The following PEG3 variants were observed in gnomAD, a reference collection of about 807,000 sequenced individuals.
The protein encoded by PEG3 is paternally expressed 3, also known as paternally-expressed gene 3 protein.
A neutral mutation model predicts 35.5 loss-of-function variants in PEG3; 23 were observed. The ratio of observed to expected loss-of-function variants is 0.65; its 90% CI spans 0.47 to 0.92. PEG3 has a LOEUF of 0.92. PEG3 is among the 40% of genes least tolerant of loss of function. PEG3 has a pLI of 0.00. For synonymous variants in PEG3, 707 were observed against 697.0 expected, an observed-to-expected ratio of 1.01 and a Z score of -0.23; for missense variants, 1,960 against 1,985.3, an observed-to-expected ratio of 0.99 and a Z score of 0.24.
In PEG3 at chr19:56,813,997, G is replaced by C; in HGVS notation, c.4445C>G (p.Pro1482Arg). ...TGGGTCTTCAATTCCCACACCGTCA[G>C]GCTCGTCGGCATCTCCCTCTGGCTC... ...AEEPEGDADE[P>R]DGVGIEDPEE... Residue 1482 changes from proline (P) to arginine (R), a missense_variant, in exon 10 of 10, where the codon CCT becomes CGT. This residue lies in a region of PEG3 where 416 missense variants were observed against 416.7 expected (regional missense o/e 1.00). Coordinates refer to ENST00000326441, the MANE Select transcript of PEG3 (RefSeq NM_006210.3). 1 of 1,613,982 alleles carries C rather than the reference G, an allele frequency of 6.2e-7. No homozygotes were observed. The highest frequency in any genetic ancestry group is 8.5e-7 in the Non-Finnish European group (1 of 1,179,916).
Position 56,816,605 on chromosome 19 carries a change from C to A in PEG3, c.1837G>T (p.Ala613Ser). 6.2e-7 allele frequency: 1 copy of A among 1,613,910 alleles called. No individual in the cohort carries two copies. Among genetic ancestry groups the A allele is most frequent in the South Asian group, 1.1e-5 (1 of 91,040 alleles). The stretch of plus-strand genomic sequence containing the variant: ...TACATTTTCTGAAACTCATTAAGGG[C>A]TGGGCTGGGCCTAAAGGTTTCCCCG... Reference protein sequence around the residue: ...ERGETFRPSPALNEFQKMYGK... With the variant: ...ERGETFRPSPSLNEFQKMYGK... Residue 613 changes from alanine to serine, a missense_variant, in exon 10 of 10, where the codon GCC (alanine) becomes TCC (serine). This residue lies in a region of PEG3 where 798 missense variants were observed against 782.4 expected (regional missense o/e 1.02). Coordinates refer to ENST00000326441, the MANE Select transcript of PEG3 (RefSeq NM_006210.3).
chr19:56,823,848 T>C (rs1005091719), intron 4 of PEG3, among the ~76,000 whole-genome samples, 169 bp from the exon 5 acceptor site: 1 of 152,068 alleles, frequency 6.6e-6, no homozygotes, highest in Non-Finnish European at 1.5e-5. Context: ...ACTCCTGGCA[T>C]ACTAAAAACT....
chr19:56,812,961 C>T lies in PEG3; in HGVS notation c.*714G>A, dbSNP rs2059640270. On this transcript the variant is annotated 3_prime_UTR_variant, in exon 10 of 10. Coordinates refer to ENST00000326441, the MANE Select transcript of PEG3 (RefSeq NM_006210.3). ...TAAAGCCTTACACAGTATTAGGTTCCAAAGTGTTGGCGCAGATGAAATGGC... is the reference window on the plus strand; with the variant it reads ...TAAAGCCTTACACAGTATTAGGTTCTAAAGTGTTGGCGCAGATGAAATGGC... The T allele has an allele frequency of 9.1e-6, 9 of 985,618 alleles. No individual in the cohort carries two copies. Among genetic ancestry groups the T allele is most frequent in the Admixed American group, 6.2e-5 (1 of 16,258 alleles). 61.1% of individuals were successfully genotyped at this position (985,618 alleles called of 1,614,324 possible).
Position 56,816,447 on chromosome 19 carries a change from G to T in PEG3, c.1995C>A (p.Thr665=), listed in dbSNP as rs772262119. 1.9e-6 allele frequency: 3 copies of T among 1,614,010 alleles called. No homozygotes were observed. Among genetic ancestry groups the T allele is most frequent in the East Asian group, 2.2e-5 (1 of 44,870 alleles). Residue 665 remains threonine, a synonymous_variant, in exon 10 of 10, where the codon ACC becomes ACA. Coordinates refer to ENST00000326441, the MANE Select transcript of PEG3 (RefSeq NM_006210.3). ...FENKGKVCEE[T]FIPGQSLKRR... ...TTTTAAGGGACTGACCAGGAATAAA[G>T]GTTTCCTCACACACTTTACCCTTGT...
At position 56,814,380 on chromosome 19, in the gene PEG3, A is replaced by G; in HGVS notation, c.4062T>C (p.His1354=). The part of the protein sequence containing the change: ...STVLTKHKEL[H]LEEEEEDEAA... ...CTTCATCTTCTTCTTCTTCTTCCAG[A>G]TGAAGCTCCTTATGTTTAGTGAGGA... Residue 1354 remains histidine, a synonymous_variant, in exon 10 of 10, where the codon CAT becomes CAC. Transcript: ENST00000326441. The surrounding 1 kb of genome is among the most constrained non-coding windows in gnomAD (Gnocchi z 5.8). The G allele has an allele frequency of 6.2e-7, 1 of 1,612,648 alleles. No individual in the cohort carries two copies.
At chr19:56,821,100 G>C (rs1320606443) in intron 7 of PEG3, among the ~76,000 whole-genome samples, 1 of 152,210 alleles carries the variant, frequency 6.6e-6, no homozygotes, top group Non-Finnish European at 1.5e-5. Flanking sequence ...TGCCTACCAT[G>C]TGCCAGGTAC....
At position 56,824,709 on chromosome 19, in the gene PEG3, C is replaced by T. The variant is rs143644993; in HGVS notation, c.-54G>A. 1,885 of 1,515,756 alleles carry T rather than the reference C, an allele frequency of 1.2e-3. 21 individuals carry two copies. The African/African-American group carries it at 0.023, about 19-fold the overall frequency. The allele number at this position is 1,515,756 out of a possible 1,614,324, so 93.9% of individuals were successfully genotyped here. ...ACCAAACATGAGTCAACAGGAAAGACGCGGCAGCCTGTGACCGTCAGTACT... is the reference window on the plus strand; with the variant it reads ...ACCAAACATGAGTCAACAGGAAAGATGCGGCAGCCTGTGACCGTCAGTACT... On this transcript the variant is annotated 5_prime_UTR_variant, in exon 4 of 10. Transcript: ENST00000326441.
chr19:56,834,038 CA>C (rs1302788737), intron 2 of PEG3, among the ~76,000 whole-genome samples: 2 of 152,206 alleles, frequency 1.3e-5, no homozygotes, highest in African/African-American at 4.8e-5. Context: ...TCTAAGAGTT[CA>C]GTCTTATGAC....
At chr19:56,822,512 T>C (rs2060598091) in intron 6 of PEG3, 1 of 416,504 alleles carries the variant, frequency 2.4e-6, no homozygotes, top group African/African-American at 2.0e-5. Context: ...TTTTTTTTAA[T>C]GCACCAGCTT....
chr19:56,838,680 G>A (rs974198203), intron 1 of PEG3, among the ~76,000 whole-genome samples: 25 of 152,306 alleles, frequency 1.6e-4, no homozygotes, highest in East Asian at 3.9e-4. Flanking sequence ...ATGGCTCCGC[G>A]GCCGCTAAGG....
rs982338782 is a variant in PEG3, at chr19:56,811,963, A to G, written c.*1712T>C. ...TTCTGCTTCTTGCTCTCAGCTCTACAATCTTCCTAAACTTTGACACTCCCT... is the reference window on the plus strand; with the variant it reads ...TTCTGCTTCTTGCTCTCAGCTCTACGATCTTCCTAAACTTTGACACTCCCT... On this transcript the variant is annotated 3_prime_UTR_variant, in exon 10 of 10. Transcript: ENST00000326441. 31 of 985,170 alleles carry G rather than the reference A, an allele frequency of 3.1e-5. No homozygotes were observed. Among genetic ancestry groups the G allele is most frequent in the Non-Finnish European group, 3.7e-5 (31 of 829,916 alleles). 61.0% of individuals were successfully genotyped at this position (985,170 alleles called of 1,614,324 possible).
rs765630906 is a variant in PEG3, at chr19:56,816,203, C to T, written c.2239G>A (p.Glu747Lys). ...ITRPLESDED[E>K]KAFTISSNPY... is the part of the protein sequence containing the mutation. ...TTAGAGCTAATGGTGAACGCCTTTT[C>T]GTCCTCATCACTTTCAAGAGGTCTT... is the stretch of plus-strand genomic sequence containing the variant. Residue 747 changes from glutamate to lysine, a missense_variant, in exon 10 of 10, where the codon GAA becomes AAA. This residue lies in a region of PEG3 where 798 missense variants were observed against 782.4 expected (regional missense o/e 1.02). Coordinates refer to ENST00000326441, the MANE Select transcript of PEG3 (RefSeq NM_006210.3). 81 of 1,614,036 alleles carry T rather than the reference C, an allele frequency of 5.0e-5. No homozygotes were observed. The highest frequency in any genetic ancestry group is 1.3e-4 in the African/African-American group (10 of 74,914).
intron 2 of PEG3, among the ~76,000 whole-genome samples, chr19:56,830,683 C>T (rs2061490774): frequency 6.6e-6 from 1 of 151,982 alleles, no homozygotes; most frequent in Admixed American, 6.6e-5. Context: ...GAAATAATTC[C>T]CATTAATAGC....
At chr19:56,839,420 G>A (rs1021386256) in intron 1 of PEG3, among the ~76,000 whole-genome samples, 2 of 151,268 alleles carry the variant, frequency 1.3e-5, no homozygotes, top group African/African-American at 2.4e-5. Context: ...GCGTCCAAGC[G>A]GGCAGGGCCT....
chr19:56,815,015 A>T lies in PEG3; in HGVS notation c.3427T>A (p.Ser1143Thr). 1 of 1,614,088 alleles carries T rather than the reference A, an allele frequency of 6.2e-7. No homozygotes were observed. Among genetic ancestry groups the T allele is most frequent in the Non-Finnish European group, 8.5e-7 (1 of 1,180,026 alleles). The change falls in exon 10 of 10, where the codon TCT becomes ACT. Residue 1143 changes from serine (S) to threonine (T), a missense_variant. Physicochemically the swap from Ser to Thr is moderately conservative, Grantham distance 58. Transcript: ENST00000326441. ...CLVDSREYTH[S>T]VIHTHSISEY... Reference sequence around the variant, plus strand: ...CTGATGGAATGGGTGTGAATTACAGAATGTGTGTACTCCCGACTGTCAACC... The same window carrying T: ...CTGATGGAATGGGTGTGAATTACAGTATGTGTGTACTCCCGACTGTCAACC...
At position 56,835,216 on chromosome 19, in the gene PEG3, A is replaced by T. The variant is rs114091917; in HGVS notation, c.-163+802T>A. Among the ~76,000 whole-genome samples, 1,308 of 152,190 alleles carry T rather than the reference A, an allele frequency of 8.6e-3. 17 individuals carry two copies. The highest frequency in any genetic ancestry group is 0.029 in the African/African-American group (1,201 of 41,516). Reference sequence around the variant, plus strand: ...CCCTGAAACCAGATGATCTTTTTAAAACCACAAATCTGATTATCATGATAC... The same window carrying T: ...CCCTGAAACCAGATGATCTTTTTAATACCACAAATCTGATTATCATGATAC... On this transcript the variant is annotated intron_variant, in intron 2 of 9. Coordinates refer to ENST00000326441, the MANE Select transcript of PEG3 (RefSeq NM_006210.3).
chr19:56,827,257 AAAAAT>A (rs1601135161), intron 2 of PEG3, among the ~76,000 whole-genome samples: 2 of 152,236 alleles, frequency 1.3e-5, no homozygotes, highest in East Asian at 3.8e-4. Flanking sequence ...CTGTGCCAAA[AAAAAT>A]AAAACACATT....
Position 56,815,715 on chromosome 19 carries a change from AG to A in PEG3, c.2726del (p.Pro909LeufsTer43), listed in dbSNP as rs1315863381. On this transcript the variant is annotated frameshift_variant, in exon 10 of 10. Transcript: ENST00000326441. LOFTEE classifies it low-confidence loss of function (END_TRUNC). The part of the protein sequence containing the change: ...VFRAKPQKSV[P>X]GEGSGEFKKD... The stretch of plus-strand genomic sequence containing the variant: ...TCTTAAACTCACCAGATCCCTCTCC[AG>A]GAACACTTTTCTGAGGTTTGGCACG... 1 of 1,614,200 alleles carries A rather than the reference AG, an allele frequency of 6.2e-7. No homozygotes were observed. The highest frequency in any genetic ancestry group is 8.5e-7 in the Non-Finnish European group (1 of 1,180,024).
chr19:56,837,042 T>C lies in PEG3; in HGVS notation c.-249-938A>G, dbSNP rs948590193. On this transcript the variant is annotated intron_variant, in intron 1 of 9. Transcript: ENST00000326441. ...GGAAGGAAGCGTCATATGTGTCACTTTCCCTACCTCAAACAAAACAAAAGG... is the reference window on the plus strand; with the variant it reads ...GGAAGGAAGCGTCATATGTGTCACTCTCCCTACCTCAAACAAAACAAAAGG... Among the ~76,000 whole-genome samples, 14 of 150,948 alleles carry C rather than the reference T, an allele frequency of 9.3e-5. No homozygotes were observed. In the East Asian group the frequency reaches 1.4e-3, roughly 15 times the overall value.
Sources: gnomAD v4.1 joint callset for allele counts (sites outside exome capture counted in the v4.1 genomes callset) on GRCh38, gnomAD v4.1.1 for gene constraint, gnomAD v4.1.1 regional missense constraint, Gnocchi (gnomAD v3.1) non-coding constraint, MANE v1.5 for transcripts, NCBI Gene and HGNC (gene_info 2026-07-23, HGNC 2026-07-21) for gene names.